The following MVB12B variants were observed in gnomAD, a reference collection of about 807,000 sequenced individuals.
MVB12B encodes multivesicular body subunit 12B.
A neutral mutation model predicts 41.6 loss-of-function variants in MVB12B; 16 were observed. That is an observed-to-expected ratio of 0.38 (90% CI 0.26 to 0.58). The LOEUF is 0.58. Among genes scored for constraint, MVB12B ranks in the 20% least tolerant of loss-of-function variants. The pLI, the probability that MVB12B is intolerant of heterozygous loss-of-function variation, is 0.62. For synonymous variants in MVB12B, 133 were observed against 139.7 expected (o/e 0.95, Z 0.34); for missense variants, 274 against 380.2 (o/e 0.72, Z 2.32).
intron 7 of MVB12B, among the ~76,000 whole-genome samples, chr9:126,433,519 C>A (rs1013475981): frequency 6.6e-6 from 1 of 152,100 alleles, no homozygotes; most frequent in South Asian, 2.1e-4. Context: ...GTCTGACCCC[C>A]AAGTGTTCTT....
chr9:126,396,565 A>T (rs552955341), intron 6 of MVB12B: 1 of 985,526 alleles, frequency 1.0e-6, no homozygotes, highest in African/African-American at 1.7e-5. Flanking sequence ...GGCCATCCAC[A>T]ATACAGCCTG....
intron 7 of MVB12B, among the ~76,000 whole-genome samples, chr9:126,474,596 G>A (rs554931874): frequency 2.6e-5 from 4 of 152,276 alleles, no homozygotes; most frequent in South Asian, 4.1e-4. Flanking sequence ...CCAGCAAGTC[G>A]CTGTCTGCGT....
In MVB12B at chr9:126,395,561, CT is replaced by C; in HGVS notation, c.540-8del. 6.2e-7 allele frequency: 1 copy of C among 1,613,970 alleles called. No individual in the cohort carries two copies. Among genetic ancestry groups the C allele is most frequent in the South Asian group, 1.1e-5 (1 of 91,046 alleles). ...GCTAACCAGAGCCATGAAGATTTCT[CT>C]TTTTTCCTAAAGGGAACTGAACAGC... On this transcript the variant is annotated splice_polypyrimidine_tract_variant and intron_variant, in intron 5 of 9. Transcript: ENST00000361171. The surrounding 1 kb of genome is among the most constrained non-coding windows in gnomAD (Gnocchi z 4.9).
intron 7 of MVB12B, among the ~76,000 whole-genome samples, chr9:126,429,721 G>A (rs1379801192): frequency 6.6e-6 from 1 of 152,234 alleles, no homozygotes; most frequent in Non-Finnish European, 1.5e-5. Flanking sequence ...CTAATTGGAT[G>A]TGCTTTTCTA....
intron 7 of MVB12B, among the ~76,000 whole-genome samples, chr9:126,431,788 G>A (rs909203519): frequency 1.1e-4 from 16 of 152,320 alleles, no homozygotes; most frequent in African/African-American, 3.4e-4. Context: ...CCGACTAGCC[G>A]AGTGAGGCCA....
At chr9:126,446,797 T>C (rs942859535) in intron 7 of MVB12B, among the ~76,000 whole-genome samples, 1 of 152,014 alleles carries the variant, frequency 6.6e-6, no homozygotes, top group South Asian at 2.1e-4. Flanking sequence ...TGATGTTATT[T>C]TTCTCTCTCT....
At chr9:126,410,600 C>T (rs868079619) in intron 6 of MVB12B, among the ~76,000 whole-genome samples, 3 of 152,158 alleles carry the variant, frequency 2.0e-5, no homozygotes, top group Non-Finnish European at 4.4e-5. Context: ...AAAGCCTTCA[C>T]GCGGGCCTCC....
chr9:126,337,589 G>C (rs1829319505), intron 1 of MVB12B, among the ~76,000 whole-genome samples: 1 of 152,192 alleles, frequency 6.6e-6, no homozygotes, highest in South Asian at 2.1e-4. Context: ...GACCTAGGGA[G>C]GAAGACCAGC....
At chr9:126,401,457 G>A (rs1831266491) in intron 6 of MVB12B, among the ~76,000 whole-genome samples, 1 of 152,222 alleles carries the variant, frequency 6.6e-6, no homozygotes, top group African/African-American at 2.4e-5. Context: ...TGGGAAATGG[G>A]GCATTTTGAT....
chr9:126,329,365 T>C (rs901806050), intron 1 of MVB12B, among the ~76,000 whole-genome samples: 4 of 152,230 alleles, frequency 2.6e-5, no homozygotes, highest in African/African-American at 9.7e-5. Context: ...GAAATTTAAG[T>C]GTGCGATTCA....
intron 9 of MVB12B, among the ~76,000 whole-genome samples, chr9:126,502,608 A>G (rs1438478436): frequency 1.3e-5 from 2 of 151,720 alleles, no homozygotes; most frequent in Non-Finnish European, 2.9e-5. Flanking sequence ...GCCTCTGAGG[A>G]CTCTGTGAGG....
At chr9:126,365,653 C>T (rs966338864) in intron 2 of MVB12B, among the ~76,000 whole-genome samples, 3 of 152,160 alleles carry the variant, frequency 2.0e-5, no homozygotes, top group Non-Finnish European at 4.4e-5. Flanking sequence ...CAGAATCTTT[C>T]AGACCATGCA....
At chr9:126,337,970 G>A (rs183253137) in intron 1 of MVB12B, among the ~76,000 whole-genome samples, 1 of 152,218 alleles carries the variant, frequency 6.6e-6, no homozygotes, top group Non-Finnish European at 1.5e-5. Flanking sequence ...TGCCGGTAGA[G>A]ACGCAGTTAA....
At chr9:126,420,794 C>G (rs976839719) in intron 6 of MVB12B, among the ~76,000 whole-genome samples, 7 of 152,002 alleles carry the variant, frequency 4.6e-5, no homozygotes, top group African/African-American at 1.7e-4. Flanking sequence ...CTACCCACCT[C>G]GGCCTCCCAG....
chr9:126,481,661 C>T (rs1268147788), intron 8 of MVB12B, among the ~76,000 whole-genome samples: 1 of 152,174 alleles, frequency 6.6e-6, no homozygotes, highest in Admixed American at 6.5e-5. Flanking sequence ...TCAGCCAGTG[C>T]CCCATGTAGT....
At position 126,503,901 on chromosome 9, in the gene MVB12B, T is replaced by TGC. The variant is rs1405615057; in HGVS notation, c.*639_*640dup. ...CCTGGAAGTCGGGGAGCAGCACCCC[T>TGC]GCCCCCGGTGGAGGGGTTGTTGCTT... On this transcript the variant is annotated 3_prime_UTR_variant, in exon 10 of 10. Coordinates refer to ENST00000361171, the MANE Select transcript of MVB12B (RefSeq NM_033446.3). The TGC allele has an allele frequency of 6.6e-6, 1 of 152,392 alleles. No homozygotes were observed. Among genetic ancestry groups the TGC allele is most frequent in the Non-Finnish European group, 1.5e-5 (1 of 68,228 alleles). 9.4% of individuals were successfully genotyped at this position (152,392 alleles called of 1,614,324 possible). A position where few individuals can be genotyped will look rare whatever the true frequency, so the allele number is the denominator to read the frequency against.
chr9:126,402,919 G>A (rs1275190434), intron 6 of MVB12B, among the ~76,000 whole-genome samples: 1 of 152,228 alleles, frequency 6.6e-6, no homozygotes, highest in Non-Finnish European at 1.5e-5. Context: ...ACGGGGGTGT[G>A]AATGATCCCG....
At chr9:126,451,326 C>T (rs1322516966) in intron 7 of MVB12B, among the ~76,000 whole-genome samples, 1 of 152,190 alleles carries the variant, frequency 6.6e-6, no homozygotes, top group East Asian at 1.9e-4. Flanking sequence ...GTGCTCACCA[C>T]TGTAGAGAAT....
intron 1 of MVB12B, among the ~76,000 whole-genome samples, chr9:126,328,101 A>C (rs953594390): frequency 6.6e-6 from 1 of 152,216 alleles, no homozygotes; most frequent in South Asian, 2.1e-4. Context: ...AGCTCTGTGA[A>C]GCCTTGACTA....
Sources: allele counts gnomAD v4.1 joint callset (sites outside exome capture counted in the v4.1 genomes callset), GRCh38; gene constraint gnomAD v4.1.1; non-coding constraint Gnocchi (gnomAD v3.1); transcripts MANE v1.5; gene names NCBI Gene and HGNC (gene_info 2026-07-23, HGNC 2026-07-21).